Variants in SCAMP2 observed in about 807,000 individuals in gnomAD.
SCAMP2 encodes the protein secretory carrier-associated membrane protein 2.
Under a neutral mutation model 44.1 loss-of-function variants are expected in SCAMP2, and 25 were observed. That is an observed-to-expected ratio of 0.57 (90% CI 0.41 to 0.79). The LOEUF is 0.79. Ranked by LOEUF, SCAMP2 falls within the 30% of genes least tolerant of loss-of-function variation. SCAMP2 has a pLI of 0.00. For synonymous variants in SCAMP2, 156 were observed against 166.0 expected, an observed-to-expected ratio of 0.94 and a Z score of 0.46; for missense variants, 355 against 411.0, an observed-to-expected ratio of 0.86 and a Z score of 1.18.
At chr15:74,866,100 A>C (rs1013537222) in intron 1 of SCAMP2, among the ~76,000 whole-genome samples, 2 of 151,978 alleles carry the variant, frequency 1.3e-5, no homozygotes, top group African/African-American at 2.4e-5. Context: ...TGAACTTCCA[A>C]TAGCATGAAT....
chr15:74,850,750 G>C, intron 5 of SCAMP2, 77 bp from the exon 6 acceptor site: 1 of 1,477,264 alleles, frequency 6.8e-7, no homozygotes, highest in Non-Finnish European at 9.3e-7. Context: ...CCACTCCCTA[G>C]GAGAGGTGAG....
intron 4 of SCAMP2, 41 bp downstream of exon 4, chr15:74,852,028 T>C (rs748679097): frequency 1.4e-6 from 2 of 1,424,956 alleles, no homozygotes; most frequent in Non-Finnish European, 1.9e-6. Context: ...CACTCTTCTA[T>C]GCCAGGCAGG....
Position 74,854,583 on chromosome 15 carries a change from C to G in SCAMP2, c.124G>C (p.Glu42Gln). Reference protein sequence around the residue: ...GGLAEFNPFSETNAATTVPVT... With the variant: ...GGLAEFNPFSQTNAATTVPVT... ...GGAAAGAGGGCCTGCTCACCAACCT[C>G]TGAGAAGGGGTTGAATTCCGCCAGG... Residue 42 changes from glutamate (E) to glutamine (Q), a missense_variant and splice_region_variant, in exon 2 of 9, where the codon GAG (glutamate) becomes CAG (glutamine). Physicochemically the swap from Glu to Gln is conservative, Grantham distance 29. Transcript: ENST00000268099. The G allele has an allele frequency of 6.2e-7, 1 of 1,600,108 alleles. No individual in the cohort carries two copies. The highest frequency in any genetic ancestry group is 8.5e-7 in the Non-Finnish European group (1 of 1,173,482).
Position 74,854,638 on chromosome 15 carries a change from C to T in SCAMP2, c.69G>A (p.Val23=). 6.2e-7 allele frequency: 1 copy of T among 1,609,230 alleles called. No individual in the cohort carries two copies. Among genetic ancestry groups the T allele is most frequent in the Non-Finnish European group, 8.5e-7 (1 of 1,177,884 alleles). ...CCTGCGGGGCGTTGGTCAGCTGGGT[C>T]ACAGAGGGATCCTGAGAAGGTGAAA... ...VDVNPFQDPS[V]TQLTNAPQGG... The change falls in exon 2 of 9, where the codon GTG becomes GTA. Residue 23 remains valine, a synonymous_variant. Transcript: ENST00000268099.
chr15:74,868,769 C>T (rs1567256376), intron 1 of SCAMP2, among the ~76,000 whole-genome samples: 1 of 152,164 alleles, frequency 6.6e-6, no homozygotes, highest in Non-Finnish European at 1.5e-5. Context: ...TTCTCAAACT[C>T]ATGACCTCAA....
intron 3 of SCAMP2, chr15:74,853,092 C>A: frequency 3.4e-6 from 1 of 293,358 alleles, no homozygotes; most frequent in South Asian, 2.9e-5. Context: ...CTTCAAAGAC[C>A]TAAGGCTGAC....
Position 74,852,104 on chromosome 15 carries a change from T to A in SCAMP2, c.308A>T (p.Glu103Val). 1 of 1,592,904 alleles carries A rather than the reference T, an allele frequency of 6.3e-7. No individual in the cohort carries two copies. Among genetic ancestry groups the A allele is most frequent in the Non-Finnish European group, 8.5e-7 (1 of 1,169,802 alleles). The change falls in exon 4 of 9, where the codon GAG becomes GTG. Residue 103 changes from glutamate (E) to valine (V), a missense_variant. Transcript: ENST00000268099. Reference sequence around the variant, plus strand: ...GGCTACAGTGTTCTGCAGCTCCCGCTCCTTGCGTTCCAGCTCGGCAGCTTT... The same window carrying A: ...GGCTACAGTGTTCTGCAGCTCCCGCACCTTGCGTTCCAGCTCGGCAGCTTT... ...DRKAAELERK[E>V]RELQNTVANL...
At chr15:74,862,259 T>G (rs1443673727) in intron 1 of SCAMP2, among the ~76,000 whole-genome samples, 1 of 29,500 alleles carries the variant, frequency 3.4e-5, no homozygotes, top group Non-Finnish European at 9.8e-5. Flanking sequence ...TGAGACTCTG[T>G]CTCCAAAAAA....
rs1471657666 is a variant in SCAMP2, at chr15:74,862,278, AAAAAAAAAAAAT to A, written c.58-7641_58-7630del. Reference sequence around the variant, plus strand: ...ACTCTGTCTCCAAAAAAAAAAAAAAAAAAAAAAAAAATTCCTGGCCAGGTGCAATGGCTCACA... The same window carrying A: ...ACTCTGTCTCCAAAAAAAAAAAAAAATCCTGGCCAGGTGCAATGGCTCACA... On this transcript the variant is annotated intron_variant, in intron 1 of 8. Coordinates refer to ENST00000268099, the MANE Select transcript of SCAMP2 (RefSeq NM_005697.5). Among the ~76,000 whole-genome samples, 16 of 131,156 alleles carry A rather than the reference AAAAAAAAAAAAT, an allele frequency of 1.2e-4. 1 individual carries two copies. The South Asian group carries it at 2.3e-3, about 19-fold the overall frequency. The allele number at this position is 131,156 out of a possible 152,430, so 86.0% of individuals were successfully genotyped here.
At chr15:74,850,452 C>T in intron 6 of SCAMP2, 62 bp downstream of exon 6, 1 of 1,494,152 alleles carries the variant, frequency 6.7e-7, no homozygotes, top group South Asian at 1.1e-5. Flanking sequence ...GGCCTATAGC[C>T]CTTAGCCTGC....
At chr15:74,860,082 G>A (rs1389061865) in intron 1 of SCAMP2, among the ~76,000 whole-genome samples, 2 of 152,046 alleles carry the variant, frequency 1.3e-5, no homozygotes, top group Non-Finnish European at 2.9e-5. Flanking sequence ...GCAACATAGC[G>A]AGACCCTGTC....
intron 1 of SCAMP2, among the ~76,000 whole-genome samples, chr15:74,857,009 C>T (rs995939196): frequency 6.6e-6 from 1 of 152,186 alleles, no homozygotes; most frequent in Non-Finnish European, 1.5e-5. Flanking sequence ...AAAATGGGAG[C>T]TCTCTCCTTA....
At chr15:74,864,228 AT>A (rs548519291) in intron 1 of SCAMP2, among the ~76,000 whole-genome samples, 1 of 151,874 alleles carries the variant, frequency 6.6e-6, no homozygotes, top group Non-Finnish European at 1.5e-5. Context: ...TGCCCAGCTA[AT>A]TTTTTGTATT....
chr15:74,844,941 T>A lies in SCAMP2; in HGVS notation c.*142A>T, dbSNP rs2064384758. The A allele has an allele frequency of 5.5e-6, 5 of 904,382 alleles. No individual in the cohort carries two copies. The highest frequency in any genetic ancestry group is 2.5e-5 in the Admixed American group (1 of 40,322). The allele number at this position is 904,382 out of a possible 1,614,324, so 56.0% of individuals were successfully genotyped here. ...TCCCTCCCGTTCCAGGGAGAGCTGGTCGCTGAGGGAGGAGGAAGAGCCACG... is the reference window on the plus strand; with the variant it reads ...TCCCTCCCGTTCCAGGGAGAGCTGGACGCTGAGGGAGGAGGAAGAGCCACG... On this transcript the variant is annotated 3_prime_UTR_variant, in exon 9 of 9. Transcript: ENST00000268099.
chr15:74,853,062 C>G (rs2064445544), intron 3 of SCAMP2: 2 of 260,846 alleles, frequency 7.7e-6, no homozygotes, highest in Non-Finnish European at 1.6e-5. Context: ...TGTATACACA[C>G]ACCAACCTCT....
In SCAMP2 at chr15:74,854,574, C is replaced by T. The variant is rs1302455134; in HGVS notation, c.126+7G>A. On this transcript the variant is annotated splice_region_variant and intron_variant, in intron 2 of 8. Transcript: ENST00000268099. Reference sequence around the variant, plus strand: ...ATGGGACTTGGAAAGAGGGCCTGCTCACCAACCTCTGAGAAGGGGTTGAAT... The same window carrying T: ...ATGGGACTTGGAAAGAGGGCCTGCTTACCAACCTCTGAGAAGGGGTTGAAT... The T allele has an allele frequency of 1.8e-5, 28 of 1,593,744 alleles. No individual in the cohort carries two copies. Among genetic ancestry groups the T allele is most frequent in the Non-Finnish European group, 2.3e-5 (27 of 1,169,972 alleles).
chr15:74,866,413 A>C (rs923149764), intron 1 of SCAMP2, among the ~76,000 whole-genome samples: 2 of 151,952 alleles, frequency 1.3e-5, no homozygotes, highest in Admixed American at 1.3e-4. Context: ...CTTCACCCAA[A>C]AATACTCTGT....
intron 6 of SCAMP2, among the ~76,000 whole-genome samples, chr15:74,849,273 C>T (rs2064419128): frequency 1.3e-5 from 2 of 152,166 alleles, no homozygotes; most frequent in South Asian, 4.1e-4. Flanking sequence ...CATGGCAAAA[C>T]CCTGTCTCTA....
chr15:74,854,027 G>T lies in SCAMP2; in HGVS notation c.219C>A (p.Thr73=). Residue 73 remains threonine (T), a synonymous_variant, in exon 3 of 9, where the codon ACC becomes ACA. Coordinates refer to ENST00000268099, the MANE Select transcript of SCAMP2 (RefSeq NM_005697.5). ...AGTTCTTTGTCAGCACTACCTGGGG[G>T]GTCGGCTGGGTTGGTTCCACTGATG... ...LQPSVEPTQP[T]PQAVVSAAQA... The T allele has an allele frequency of 1.9e-6, 3 of 1,613,640 alleles. No individual in the cohort carries two copies. Among genetic ancestry groups the T allele is most frequent in the Non-Finnish European group, 2.5e-6 (3 of 1,179,578 alleles).
Sources: gnomAD v4.1 joint callset for allele counts (sites outside exome capture counted in the v4.1 genomes callset) on GRCh38, gnomAD v4.1.1 for gene constraint, MANE v1.5 for transcripts, NCBI Gene and HGNC (gene_info 2026-07-23, HGNC 2026-07-21) for gene names.